CCT7: variants seen among roughly 807,000 people sequenced by gnomAD.
CCT7 encodes T-complex protein 1 subunit eta.
In CCT7, 16 loss-of-function variants were observed where a neutral mutation model predicts 56.6. The observed-to-expected ratio is 0.28, with a 90% CI of 0.19 to 0.43. The LOEUF (loss-of-function observed/expected upper bound fraction) is 0.43. Among genes scored for constraint, CCT7 ranks in the 20% least tolerant of loss-of-function variants. CCT7 has a pLI of 1.00. For synonymous variants in CCT7, 262 were observed against 254.8 expected, an observed-to-expected ratio of 1.03 and a Z score of -0.27; for missense variants, 519 against 685.6, an observed-to-expected ratio of 0.76 and a Z score of 2.71.
Position 73,251,403 on chromosome 2 carries a change from C to T in CCT7, c.1381C>T (p.Leu461Phe). Residue 461 changes from leucine (L) to phenylalanine (F), a missense_variant, in exon 11 of 12, where the codon CTC becomes TTC. This residue lies in a region of CCT7 where 237 missense variants were observed against 300.8 expected (regional missense o/e 0.79). Coordinates refer to ENST00000258091, the MANE Select transcript of CCT7 (RefSeq NM_006429.4). Reference protein sequence around the residue: ...DNAGFDATNILNKLRARHAQG... With the variant: ...DNAGFDATNIFNKLRARHAQG... ...TGCTGGCTTTGATGCCACAAACATTCTCAACAAGCTGCGGGCTCGGCATGC... is the reference window on the plus strand; with the variant it reads ...TGCTGGCTTTGATGCCACAAACATTTTCAACAAGCTGCGGGCTCGGCATGC... The T allele has an allele frequency of 6.3e-7, 1 of 1,597,654 alleles. No homozygotes were observed. The highest frequency in any genetic ancestry group is 1.7e-5 in the Admixed American group (1 of 59,446).
Position 73,247,926 on chromosome 2 carries a change from G to C in CCT7, c.783G>C (p.Glu261Asp). 1 of 1,612,438 alleles carries C rather than the reference G, an allele frequency of 6.2e-7. No homozygotes were observed. The highest frequency in any genetic ancestry group is 1.7e-5 in the Admixed American group (1 of 60,000). The change falls in exon 7 of 12, where the codon GAG becomes GAC. Residue 261 changes from glutamate (E) to aspartate (D), a missense_variant and splice_region_variant. Glu to Asp is a conservative substitution (Grantham distance 45). Coordinates refer to ENST00000258091, the MANE Select transcript of CCT7 (RefSeq NM_006429.4). ...CTGAGATAAGAGTCCACACAGTTGA[G>C]GTAGGTGGGTTCACCAGTTGGTGGG... ...DNAEIRVHTV[E>D]DYQAIVDAEW...
At chr2:73,246,234 GCT>G (rs1411178539) in intron 6 of CCT7, among the ~76,000 whole-genome samples, 6 of 152,198 alleles carry the variant, frequency 3.9e-5, no homozygotes, top group Non-Finnish European at 5.9e-5. Flanking sequence ...TGAGCCTCAT[GCT>G]CTTTCTTGTG....
chr2:73,249,936 C>A lies in CCT7; in HGVS notation c.1070+20C>A. On this transcript the variant is annotated intron_variant, in intron 9 of 11. Coordinates refer to ENST00000258091, the MANE Select transcript of CCT7 (RefSeq NM_006429.4). ...CGAGAGGTGAGCCGTGGGCCCAGGC[C>A]GAGCTCACAAACCTGCCTGGGTCTG... 1 of 1,542,676 alleles carries A rather than the reference C, an allele frequency of 6.5e-7. No homozygotes were observed. Among genetic ancestry groups the A allele is most frequent in the Non-Finnish European group, 9.0e-7 (1 of 1,114,696 alleles).
Position 73,243,141 on chromosome 2 carries a change from C to T in CCT7, c.393+12C>T. 6.2e-7 allele frequency: 1 copy of T among 1,612,162 alleles called. No individual in the cohort carries two copies. ...CAGCCACCCAGCTGGTATGGCAGTA[C>T]TGATTAACCTTCTCTTGGGCCTGGA... On this transcript the variant is annotated intron_variant, in intron 4 of 11. Coordinates refer to ENST00000258091, the MANE Select transcript of CCT7 (RefSeq NM_006429.4).
rs1481791231 is a variant in CCT7 at position 73,252,746 on chromosome 2, C to T, written c.1517C>T (p.Ala506Val). The part of the protein sequence containing the change: ...AMVRINALTA[A>V]SEAACLIVSV... The stretch of plus-strand genomic sequence containing the variant: ...GTGCGGATCAATGCGCTGACAGCAG[C>T]CTCTGAGGCTGCGTGCCTGATCGTG... Residue 506 changes from alanine (A) to valine (V), a missense_variant, in exon 12 of 12, where the codon GCC (alanine) becomes GTC (valine). Physicochemically the swap from Ala to Val is moderately conservative, Grantham distance 64. Coordinates refer to ENST00000258091, the MANE Select transcript of CCT7 (RefSeq NM_006429.4). The T allele has an allele frequency of 3.1e-6, 5 of 1,614,136 alleles. 1 individual carries two copies. The highest frequency in any genetic ancestry group is 2.5e-6 in the Non-Finnish European group (3 of 1,180,018).
intron 3 of CCT7, among the ~76,000 whole-genome samples, chr2:73,241,284 C>A (rs567180452): frequency 1.3e-5 from 2 of 151,990 alleles, no homozygotes; most frequent in Non-Finnish European, 2.9e-5. Flanking sequence ...ACAGGTATAG[C>A]ATATATAAAA....
intron 4 of CCT7, 187 bp from the exon 5 acceptor site, chr2:73,243,810 A>G: frequency 1.7e-6 from 1 of 604,626 alleles, no homozygotes; most frequent in Non-Finnish European, 2.9e-6. Context: ...TCTGACTTGG[A>G]ATTTTCTGAA....
Position 73,252,769 on chromosome 2 carries a change from G to A in CCT7, c.1540G>A (p.Val514Met), listed in dbSNP as rs201986105. 57 of 1,614,158 alleles carry A rather than the reference G, an allele frequency of 3.5e-5. 1 individual carries two copies. The Admixed American group carries it at 8.0e-4, about 23-fold the overall frequency. ...TAASEAACLI[V>M]SVDETIKNPR... ...AGCCTCTGAGGCTGCGTGCCTGATC[G>A]TGTCTGTAGATGAAACCATCAAGAA... is the stretch of plus-strand genomic sequence containing the variant. The change falls in exon 12 of 12, where the codon GTG (valine) becomes ATG (methionine). Residue 514 changes from valine (V) to methionine (M), a missense_variant. By Grantham distance (21) the Val-to-Met change is conservative. Coordinates refer to ENST00000258091, the MANE Select transcript of CCT7 (RefSeq NM_006429.4).
intron 3 of CCT7, among the ~76,000 whole-genome samples, chr2:73,241,472 C>A (rs1402099167): frequency 6.6e-6 from 1 of 151,826 alleles, no homozygotes; most frequent in Admixed American, 6.6e-5. Context: ...AATTTCTGGG[C>A]TGAGCATGGT....
chr2:73,251,465 T>TGGGTTTG, intron 11 of CCT7, 33 bp downstream of exon 11: 1 of 482,400 alleles, frequency 2.1e-6, no homozygotes, highest in Non-Finnish European at 4.1e-6. Flanking sequence ...GTTCAGGGTT[T>TGGGTTTG]GGGCGGGTGG....
At chr2:73,250,190 C>T (rs984701839) in intron 9 of CCT7, 116 bp from the exon 10 acceptor site, 2 of 1,125,256 alleles carry the variant, frequency 1.8e-6, no homozygotes, top group Non-Finnish European at 2.5e-6. Flanking sequence ...ATTGGGTAAC[C>T]TGAGTGAAGA....
rs78987347 is a variant in CCT7 at position 73,252,935 on chromosome 2, T to C, written c.*74T>C. On this transcript the variant is annotated 3_prime_UTR_variant, in exon 12 of 12. Coordinates refer to ENST00000258091, the MANE Select transcript of CCT7 (RefSeq NM_006429.4). ...CCTCCTTGGCTTGGTTACTTCATTT[T>C]ACAAGGAAGGGGTAGTAATTGGCCC... 1.9e-6 allele frequency: 2 copies of C among 1,076,050 alleles called. No individual in the cohort carries two copies. The highest frequency in any genetic ancestry group is 5.1e-5 in the East Asian group (2 of 39,456). The allele number at this position is 1,076,050 out of a possible 1,614,324, so 66.7% of individuals were successfully genotyped here. A position where few individuals can be genotyped will look rare whatever the true frequency, so the allele number is the denominator to read the frequency against.
intron 8 of CCT7, 110 bp downstream of exon 8, chr2:73,249,289 GTT>G (rs753559796): frequency 1.3e-4 from 80 of 620,464 alleles, no homozygotes; most frequent in South Asian, 1.8e-4. Flanking sequence ...ATTGAGCCCT[GTT>G]TTTTTTTTTT....
chr2:73,234,454 G>C (rs1686768673), intron 1 of CCT7, 70 bp downstream of exon 1: 1 of 1,570,374 alleles, frequency 6.4e-7, no homozygotes, highest in Non-Finnish European at 8.7e-7. Flanking sequence ...GCTCGGCCTG[G>C]GCTTGCTCTG....
rs755994129 is a variant in CCT7 at position 73,244,655 on chromosome 2, C to T, written c.558C>T (p.Leu186=). Residue 186 remains leucine (L), a synonymous_variant, in exon 6 of 12, where the codon CTC becomes CTT. Coordinates refer to ENST00000258091, the MANE Select transcript of CCT7 (RefSeq NM_006429.4). The stretch of plus-strand genomic sequence containing the variant: ...TGGTGGTGGATGCAGTGATGATGCT[C>T]GATGATTTGCTGCAGCTTAAAATGA... ...AKMVVDAVMM[L]DDLLQLKMIG... is the part of the protein sequence containing the mutation. 2.7e-5 allele frequency: 43 copies of T among 1,613,470 alleles called. No individual in the cohort carries two copies. The African/African-American group carries it at 4.1e-4, about 16-fold the overall frequency.
chr2:73,247,454 C>A (rs779376456), intron 6 of CCT7, among the ~76,000 whole-genome samples: 1 of 152,082 alleles, frequency 6.6e-6, no homozygotes, highest in Non-Finnish European at 1.5e-5. Context: ...CATTATCCAT[C>A]GGCCAGTGCT....
At chr2:73,242,086 C>T (rs977410337) in intron 3 of CCT7, among the ~76,000 whole-genome samples, 4 of 150,770 alleles carry the variant, frequency 2.7e-5, no homozygotes, top group Non-Finnish European at 5.9e-5. Flanking sequence ...GGTCCTAGGA[C>T]GTTTGTTTTA....
At position 73,239,663 on chromosome 2, in the gene CCT7, G is replaced by A; in HGVS notation, c.27G>A (p.Leu9=). 6.2e-7 allele frequency: 1 copy of A among 1,613,908 alleles called. No individual in the cohort carries two copies. Among genetic ancestry groups the A allele is most frequent in the Non-Finnish European group, 8.5e-7 (1 of 1,179,818 alleles). MMPTPVIL[L]KEGTDSSQGI... is the part of the protein sequence containing the mutation. Reference sequence around the variant, plus strand: ...TCTAGCCCACACCAGTTATCCTATTGAAAGAGGGGACTGATAGCTCCCAAG... The same window carrying A: ...TCTAGCCCACACCAGTTATCCTATTAAAAGAGGGGACTGATAGCTCCCAAG... Residue 9 remains leucine, a synonymous_variant, in exon 2 of 12, where the codon TTG becomes TTA. Transcript: ENST00000258091.
intron 4 of CCT7, chr2:73,243,788 C>G: frequency 1.7e-6 from 1 of 585,586 alleles, no homozygotes; most frequent in Admixed American, 3.1e-5. Flanking sequence ...AACTGTATAC[C>G]CACTCTGCAT....
Sources: gnomAD v4.1 joint callset for allele counts (sites outside exome capture counted in the v4.1 genomes callset) on GRCh38, gnomAD v4.1.1 for gene constraint, gnomAD v4.1.1 regional missense constraint, MANE v1.5 for transcripts, NCBI Gene and HGNC (gene_info 2026-07-23, HGNC 2026-07-21) for gene names.